SCAMP1: variants seen among roughly 807,000 people sequenced by gnomAD.
SCAMP1 encodes the protein secretory carrier membrane protein 1.
Under a neutral mutation model 41.8 loss-of-function variants are expected in SCAMP1, and 15 were observed. That is an observed-to-expected ratio of 0.36 (90% confidence interval 0.24 to 0.55). The LOEUF (loss-of-function observed/expected upper bound fraction) is 0.55, where lower values mean the gene tolerates loss of function less well. SCAMP1 is among the 20% of genes least tolerant of loss of function. The probability of loss-of-function intolerance (pLI) is 0.86; values close to 1 mark genes in which losing one functional copy is unlikely to be tolerated. For synonymous variants in SCAMP1, 135 were observed against 136.8 expected, an observed-to-expected ratio of 0.99 and a Z score of 0.09; for missense variants, 341 against 412.6, an observed-to-expected ratio of 0.83 and a Z score of 1.50.
rs1251700189 is a variant in SCAMP1 at position 78,397,767 on chromosome 5, A to G, written c.135+8853A>G. ...AAAACCCCATCTCTACCAAAAATAC[A>G]CAAATTGACCAGGAGTGGTGAGTCC... On this transcript the variant is annotated intron_variant, in intron 2 of 8. Coordinates refer to ENST00000621999, the MANE Select transcript of SCAMP1 (RefSeq NM_004866.6). Among the ~76,000 whole-genome samples the G allele has an allele frequency of 2.0e-5, 3 of 152,156 alleles. No homozygotes were observed. In the East Asian group the frequency reaches 5.8e-4, roughly 29 times the overall value.
At chr5:78,431,903 G>A (rs1440849856) in intron 6 of SCAMP1, among the ~76,000 whole-genome samples, 2 of 152,014 alleles carry the variant, frequency 1.3e-5, no homozygotes, top group Non-Finnish European at 2.9e-5. Context: ...CATGCATTGT[G>A]TAATAATTAC....
At chr5:78,375,643 G>T (rs1279210709) in intron 1 of SCAMP1, among the ~76,000 whole-genome samples, 1 of 152,082 alleles carries the variant, frequency 6.6e-6, no homozygotes. Flanking sequence ...GGAACTAATG[G>T]TGAAAATCTG....
At chr5:78,441,977 A>G (rs1020372298) in intron 6 of SCAMP1, among the ~76,000 whole-genome samples, 5 of 152,222 alleles carry the variant, frequency 3.3e-5, no homozygotes, top group African/African-American at 1.2e-4. Flanking sequence ...AAAAGTACAA[A>G]TATTAGTCGG....
At chr5:78,469,902 A>C (rs1561290898) in intron 8 of SCAMP1, among the ~76,000 whole-genome samples, 11 of 45,428 alleles carry the variant, frequency 2.4e-4, no homozygotes, top group African/African-American at 1.7e-3. Flanking sequence ...AAAAAAAAAA[A>C]AAAAAAAAAA....
chr5:78,416,314 C>T (rs1752206922), intron 3 of SCAMP1, among the ~76,000 whole-genome samples: 1 of 152,108 alleles, frequency 6.6e-6, no homozygotes, highest in Non-Finnish European at 1.5e-5. Flanking sequence ...GTTTTCCTCT[C>T]CTAATGGACC....
chr5:78,392,410 T>C (rs1390170892), intron 2 of SCAMP1, among the ~76,000 whole-genome samples: 1 of 152,252 alleles, frequency 6.6e-6, no homozygotes, highest in African/African-American at 2.4e-5. Flanking sequence ...GTGCTATCTT[T>C]GGAGATAGTT....
chr5:78,468,180 T>C (rs2112248089), intron 8 of SCAMP1, among the ~76,000 whole-genome samples: 1 of 152,288 alleles, frequency 6.6e-6, no homozygotes, highest in African/African-American at 2.4e-5. Flanking sequence ...ATTGTGCTGT[T>C]TGTTTCCCCC....
intron 8 of SCAMP1, among the ~76,000 whole-genome samples, chr5:78,468,659 A>G (rs542391388): frequency 6.6e-6 from 1 of 152,302 alleles, no homozygotes; most frequent in Non-Finnish European, 1.5e-5. Context: ...TTTTGAAAGA[A>G]TTTTAGAAAA....
chr5:78,364,435 TG>T (rs1050331437), intron 1 of SCAMP1, among the ~76,000 whole-genome samples: 2 of 152,032 alleles, frequency 1.3e-5, no homozygotes, highest in East Asian at 3.9e-4. Flanking sequence ...ATTTCACAGC[TG>T]GGGGGGCAAA....
chr5:78,448,968 C>T (rs1753149015), intron 6 of SCAMP1, among the ~76,000 whole-genome samples: 2 of 149,232 alleles, frequency 1.3e-5, no homozygotes, highest in Admixed American at 1.3e-4. Flanking sequence ...CCATTGCACT[C>T]CAACTTGGGC....
rs1401382158 is a variant in SCAMP1 at position 78,477,832 on chromosome 5, A to G, written c.*2164A>G. ...AATGCTTATAGTATGATCAAGTATGAAAGGAACTTTAAATTCTTATATTTA... is the reference window on the plus strand; with the variant it reads ...AATGCTTATAGTATGATCAAGTATGGAAGGAACTTTAAATTCTTATATTTA... On this transcript the variant is annotated 3_prime_UTR_variant, in exon 9 of 9. Coordinates refer to ENST00000621999, the MANE Select transcript of SCAMP1 (RefSeq NM_004866.6). The G allele has an allele frequency of 6.6e-6, 1 of 152,138 alleles. No homozygotes were observed. Among genetic ancestry groups the G allele is most frequent in the Non-Finnish European group, 1.5e-5 (1 of 67,982 alleles). 9.4% of individuals were successfully genotyped at this position (152,138 alleles called of 1,614,324 possible).
intron 2 of SCAMP1, among the ~76,000 whole-genome samples, chr5:78,411,270 G>A (rs759167560): frequency 2.0e-5 from 3 of 152,042 alleles, no homozygotes; most frequent in Non-Finnish European, 4.4e-5. Context: ...ATAGTTTTGG[G>A]TTTTACATTT....
At chr5:78,446,216 A>T (rs1378678774) in intron 6 of SCAMP1, among the ~76,000 whole-genome samples, 1 of 152,194 alleles carries the variant, frequency 6.6e-6, no homozygotes, top group African/African-American at 2.4e-5. Flanking sequence ...ACATACCTCC[A>T]TTTGTATTTG....
At chr5:78,469,397 G>T (rs1753818603) in intron 8 of SCAMP1, among the ~76,000 whole-genome samples, 1 of 150,870 alleles carries the variant, frequency 6.6e-6, no homozygotes, top group Non-Finnish European at 1.5e-5. Context: ...TAATACTTTT[G>T]AATTCCTAGA....
At chr5:78,434,534 T>C (rs1042111981) in intron 6 of SCAMP1, among the ~76,000 whole-genome samples, 1 of 138,996 alleles carries the variant, frequency 7.2e-6, no homozygotes. Flanking sequence ...CTCTCCTCCC[T>C]TCCTTCCTTC....
At chr5:78,372,461 TC>T (rs750077349) in intron 1 of SCAMP1, among the ~76,000 whole-genome samples, 5 of 152,124 alleles carry the variant, frequency 3.3e-5, no homozygotes, top group Non-Finnish European at 7.4e-5. Context: ...GGGGGAAGGT[TC>T]ATTTGTGATA....
chr5:78,456,121 G>A (rs1207207522), intron 7 of SCAMP1, among the ~76,000 whole-genome samples: 96 of 117,734 alleles, frequency 8.2e-4, no homozygotes, highest in African/African-American at 3.2e-3. Flanking sequence ...ACACTGATGG[G>A]TCTTGACTCT....
chr5:78,362,259 T>C (rs1750676455), intron 1 of SCAMP1, among the ~76,000 whole-genome samples: 1 of 152,252 alleles, frequency 6.6e-6, no homozygotes, highest in Admixed American at 6.5e-5. Flanking sequence ...TTTTAGCCTT[T>C]CCTAATTCAG....
chr5:78,376,221 G>A (rs913647154), intron 1 of SCAMP1, among the ~76,000 whole-genome samples: 3 of 151,910 alleles, frequency 2.0e-5, no homozygotes, highest in African/African-American at 4.8e-5. Context: ...TAGAACTTAC[G>A]TTGAAATATT....
Sources: allele counts gnomAD v4.1 joint callset (sites outside exome capture counted in the v4.1 genomes callset), GRCh38; gene constraint gnomAD v4.1.1; transcripts MANE v1.5; gene names NCBI Gene and HGNC (gene_info 2026-07-23, HGNC 2026-07-21).